Variants in KCND3 observed in about 807,000 individuals in gnomAD.
KCND3 encodes A-type voltage-gated potassium channel KCND3.
KCND3 carries 9 observed loss-of-function variants against 51.1 expected under a neutral mutation model. The ratio of observed to expected loss-of-function variants is 0.18; its 90% CI spans 0.11 to 0.31. The LOEUF is 0.31. KCND3 is among the 10% of genes least tolerant of loss of function. The probability of loss-of-function intolerance (pLI) is 1.00; values close to 1 mark genes in which losing one functional copy is unlikely to be tolerated. For missense variants in KCND3, 526 were observed against 903.8 expected (o/e 0.58, Z 5.36); for synonymous variants, 349 against 368.0 (o/e 0.95, Z 0.59).
At chr1:111,791,638 TGATGAG>T (rs1347767415) in intron 2 of KCND3, among the ~76,000 whole-genome samples, 4 of 152,334 alleles carry the variant, frequency 2.6e-5, no homozygotes, top group Non-Finnish European at 5.9e-5. Context: ...GTAGCGATGG[TGATGAG>T]GCTGCTACTG....
chr1:111,777,325 G>A, intron 6 of KCND3, 52 bp from the exon 7 acceptor site: 2 of 1,590,060 alleles, frequency 1.3e-6, no homozygotes, highest in Non-Finnish European at 1.7e-6. Context: ...GGAGGAGAGA[G>A]GTAAGCCCCT....
chr1:111,941,394 T>C (rs997423449), intron 2 of KCND3, among the ~76,000 whole-genome samples: 2 of 152,038 alleles, frequency 1.3e-5, no homozygotes, highest in South Asian at 2.1e-4. Context: ...TTCAGGGATA[T>C]ATAATCTGGG....
chr1:111,823,350 C>G (rs1030310170), intron 2 of KCND3, among the ~76,000 whole-genome samples: 2 of 152,078 alleles, frequency 1.3e-5, no homozygotes, highest in Admixed American at 1.3e-4. Context: ...AAAGCCCTCA[C>G]GGGCCCTCCT....
rs1402667603 is a variant in KCND3 at position 111,830,443 on chromosome 1, T to G, written c.1107-43337A>C. 9.8e-5 allele frequency among the ~76,000 whole-genome samples: 15 copies of G among 152,290 alleles called. No individual in the cohort carries two copies. The East Asian group carries it at 2.7e-3, about 27-fold the overall frequency. On this transcript the variant is annotated intron_variant, in intron 2 of 7. Coordinates refer to ENST00000302127, the MANE Select transcript of KCND3 (RefSeq NM_001378969.1). ...ATCCCTGGAGCATATCTTAAGCCAGTGGTTTTTCCCGCCTGACCAGGCTAG... is the reference window on the plus strand; with the variant it reads ...ATCCCTGGAGCATATCTTAAGCCAGGGGTTTTTCCCGCCTGACCAGGCTAG...
intron 2 of KCND3, among the ~76,000 whole-genome samples, chr1:111,892,450 C>T (rs377681444): frequency 6.6e-6 from 1 of 152,290 alleles, no homozygotes; most frequent in East Asian, 1.9e-4. Flanking sequence ...CCCATAGCAA[C>T]AATTCATGTG....
At chr1:111,807,492 A>C (rs765908425) in intron 2 of KCND3, among the ~76,000 whole-genome samples, 1 of 152,212 alleles carries the variant, frequency 6.6e-6, no homozygotes, top group Non-Finnish European at 1.5e-5. Context: ...CCTGGCCAAC[A>C]TGGTGAAACC....
At chr1:111,801,616 G>A (rs11102336) in intron 2 of KCND3, among the ~76,000 whole-genome samples, 19,651 of 152,136 alleles carry the variant, frequency 0.13, 1,299 homozygotes, top group South Asian at 0.2. Context: ...AGTGCTTAGC[G>A]GTTTGGCCAA....
chr1:111,835,705 A>T (rs985354285), intron 2 of KCND3, among the ~76,000 whole-genome samples: 52 of 152,344 alleles, frequency 3.4e-4, no homozygotes, highest in African/African-American at 1.2e-3. Flanking sequence ...AAGGGTAGGA[A>T]CCCTTAGTTC....
intron 2 of KCND3, among the ~76,000 whole-genome samples, chr1:111,860,543 C>T (rs144058325): frequency 6.6e-6 from 1 of 152,164 alleles, no homozygotes; most frequent in Non-Finnish European, 1.5e-5. Flanking sequence ...CCCCACCCCC[C>T]CAACTTGGGA....
At chr1:111,955,871 A>C (rs1407166796) in intron 2 of KCND3, among the ~76,000 whole-genome samples, 2 of 152,290 alleles carry the variant, frequency 1.3e-5, no homozygotes, top group East Asian at 1.9e-4. Flanking sequence ...AGAAACAAAC[A>C]ATCTGGCTGA....
At chr1:111,818,773 T>C (rs895605756) in intron 2 of KCND3, among the ~76,000 whole-genome samples, 4 of 152,154 alleles carry the variant, frequency 2.6e-5, no homozygotes, top group African/African-American at 9.7e-5. Context: ...CCTCTCAGTC[T>C]TGCCCTGGCT....
chr1:111,982,771 C>T lies in KCND3; in HGVS notation c.-45G>A. The T allele has an allele frequency of 1.3e-6, 2 of 1,569,826 alleles. No individual in the cohort carries two copies. The highest frequency in any genetic ancestry group is 1.7e-6 in the Non-Finnish European group (2 of 1,165,100). ...CCGGCAGCCGCGCGGACGCTAGGCA[C>T]ACCAGCTTGGAGTTAGTTCAGCAAA... On this transcript the variant is annotated 5_prime_UTR_variant, in exon 2 of 8. It adds an upstream start codon to the 5' untranslated region. Coordinates refer to ENST00000302127, the MANE Select transcript of KCND3 (RefSeq NM_001378969.1). This position sits in a 1 kb window ranked among gnomAD's most constrained non-coding sequence, Gnocchi z 8.5.
At chr1:111,958,301 C>T (rs1477820927) in intron 2 of KCND3, among the ~76,000 whole-genome samples, 2 of 152,192 alleles carry the variant, frequency 1.3e-5, no homozygotes, top group Non-Finnish European at 2.9e-5. Context: ...TAATCTGCTC[C>T]AGAAAAGCTC....
intron 2 of KCND3, among the ~76,000 whole-genome samples, chr1:111,977,350 G>A (rs562079758): frequency 7.2e-5 from 11 of 152,292 alleles, no homozygotes; most frequent in African/African-American, 2.2e-4. Flanking sequence ...TAGTCTCCTC[G>A]CCTCTTCGAA....
At chr1:111,935,237 T>G (rs1398419554) in intron 2 of KCND3, among the ~76,000 whole-genome samples, 1 of 152,224 alleles carries the variant, frequency 6.6e-6, no homozygotes, top group Non-Finnish European at 1.5e-5. Flanking sequence ...AAAAGTCTTT[T>G]GTATACCTCA....
intron 2 of KCND3, among the ~76,000 whole-genome samples, chr1:111,819,640 A>G (rs1427748680): frequency 6.6e-6 from 1 of 152,042 alleles, no homozygotes; most frequent in Non-Finnish European, 1.5e-5. Flanking sequence ...AGGGGTTGGG[A>G]CAGAGGTTTG....
At chr1:111,794,989 T>A (rs944854429) in intron 2 of KCND3, among the ~76,000 whole-genome samples, 5 of 152,160 alleles carry the variant, frequency 3.3e-5, no homozygotes, top group Non-Finnish European at 7.4e-5. Flanking sequence ...AAGCTATGGT[T>A]TCTGGGGAGC....
At chr1:111,864,942 C>T (rs868403233) in intron 2 of KCND3, among the ~76,000 whole-genome samples, 14 of 152,008 alleles carry the variant, frequency 9.2e-5, no homozygotes, top group South Asian at 4.2e-4. Context: ...TGCTCACATA[C>T]GAGAGAGGCA....
Position 111,898,178 on chromosome 1 carries a change from A to G in KCND3, c.1106+83443T>C, listed in dbSNP as rs757089966. On this transcript the variant is annotated intron_variant, in intron 2 of 7. Coordinates refer to ENST00000302127, the MANE Select transcript of KCND3 (RefSeq NM_001378969.1). Reference sequence around the variant, plus strand: ...CAGGGGGTTGAGGATTAAATAGATCAATCCACCTGGAATGCTTAGAGAGTG... The same window carrying G: ...CAGGGGGTTGAGGATTAAATAGATCGATCCACCTGGAATGCTTAGAGAGTG... 4.6e-5 allele frequency among the ~76,000 whole-genome samples: 7 copies of G among 152,336 alleles called. No individual in the cohort carries two copies. The South Asian group carries it at 1.5e-3, about 32-fold the overall frequency.
Sources: gnomAD v4.1 joint callset for allele counts (sites outside exome capture counted in the v4.1 genomes callset) on GRCh38, gnomAD v4.1.1 for gene constraint, Gnocchi (gnomAD v3.1) non-coding constraint, MANE v1.5 for transcripts, NCBI Gene and HGNC (gene_info 2026-07-23, HGNC 2026-07-21) for gene names.